MORN1: variants seen among roughly 807,000 people sequenced by gnomAD.
The protein encoded by MORN1 is MORN repeat-containing protein 1.
MORN1 carries 67 observed loss-of-function variants against 61.9 expected under a neutral mutation model. The observed-to-expected ratio is 1.08, with a 90% CI of 0.89 to 1.33. The LOEUF is 1.33. Among genes scored for constraint, MORN1 ranks in the 40% most tolerant of loss-of-function variants. The pLI is 0.00. For synonymous variants in MORN1, 301 were observed against 292.0 expected (o/e 1.03, Z -0.31); for missense variants, 752 against 691.2 (o/e 1.09, Z -0.99).
intron 10 of MORN1, among the ~76,000 whole-genome samples, chr1:2,355,759 T>G (rs1311470495): frequency 6.6e-6 from 1 of 152,164 alleles, no homozygotes; most frequent in African/African-American, 2.4e-5. Flanking sequence ...GAAAGGGCCC[T>G]GGCACAGCCT....
chr1:2,345,605 G>C (rs891065133), intron 10 of MORN1, among the ~76,000 whole-genome samples: 1 of 152,226 alleles, frequency 6.6e-6, no homozygotes, highest in African/African-American at 2.4e-5. Flanking sequence ...ACTGACCAGA[G>C]ACGGAGACGA....
At chr1:2,346,138 C>A (rs372026253) in intron 10 of MORN1, among the ~76,000 whole-genome samples, 3 of 147,354 alleles carry the variant, frequency 2.0e-5, no homozygotes, top group Admixed American at 6.7e-5. Flanking sequence ...ACCTTCCTCA[C>A]ACAAAGCCAC....
At chr1:2,378,792 G>T in intron 6 of MORN1, 1 of 385,648 alleles carries the variant, frequency 2.6e-6, no homozygotes. Context: ...CTGGGAGGTC[G>T]AGCAGTAAGC....
rs201376833 is a variant in MORN1, at chr1:2,336,838, G to A, written c.1049C>T (p.Ala350Val). 4.8e-5 allele frequency: 76 copies of A among 1,572,678 alleles called. No homozygotes were observed. In the East Asian group the frequency reaches 6.3e-4, roughly 13 times the overall value. ...CTGACAGGCCCCGGGACAATGGGGC[G>A]CATGTCCCCTGGCTGAGGAGACAGA... is the stretch of plus-strand genomic sequence containing the variant. The part of the protein sequence containing the change: ...TPGGLLARGH[A>V]PHCPGACQRV... The change falls in exon 11 of 14, where the codon GCG becomes GTG. Residue 350 changes from alanine (A) to valine (V), a missense_variant. Ala to Val is a moderately conservative substitution (Grantham distance 64). Coordinates refer to ENST00000378531, the MANE Select transcript of MORN1 (RefSeq NM_024848.3).
chr1:2,321,422 G>A lies in MORN1; in HGVS notation c.1455C>T (p.Ala485=), dbSNP rs368905548. Residue 485 remains alanine, a synonymous_variant, in exon 14 of 14, where the codon GCC becomes GCT. Transcript: ENST00000378531. ...GCGGCTCTGGGGTGCAGCTGTGGGCGGCCTGCCAGCTGCTTGAGGCTTCAG... is the reference window on the plus strand; with the variant it reads ...GCGGCTCTGGGGTGCAGCTGTGGGCAGCCTGCCAGCTGCTTGAGGCTTCAG... ...EGPEASSSWQ[A]AHSCTPEPPA... is the part of the protein sequence containing the mutation. 579 of 1,539,548 alleles carry A rather than the reference G, an allele frequency of 3.8e-4. 5 individuals are homozygous for A. Among genetic ancestry groups the A allele is most frequent in the South Asian group, 3.7e-4 (31 of 83,366 alleles).
In MORN1 at chr1:2,357,328, T is replaced by C. The variant is rs1420381084; in HGVS notation, c.1036+104A>G. 13 of 1,312,492 alleles carry C rather than the reference T, an allele frequency of 9.9e-6. No homozygotes were observed. The South Asian group carries it at 1.6e-4, about 16-fold the overall frequency. The allele number at this position is 1,312,492 out of a possible 1,614,324, so 81.3% of individuals were successfully genotyped here. ...CGTGATGACTGACCCTGGGTGCGGC[T>C]TGCTCCTGCTCTGGCCTGGTTCTGG... is the stretch of plus-strand genomic sequence containing the variant. On this transcript the variant is annotated intron_variant, in intron 10 of 13. Coordinates refer to ENST00000378531, the MANE Select transcript of MORN1 (RefSeq NM_024848.3). This position sits in a 1 kb window ranked among gnomAD's most constrained non-coding sequence, Gnocchi z 6.3.
chr1:2,383,822 C>T (rs1053251210), intron 6 of MORN1, among the ~76,000 whole-genome samples: 11 of 152,182 alleles, frequency 7.2e-5, no homozygotes, highest in East Asian at 1.9e-4. Context: ...TAGTGCCTCA[C>T]GCCCAGCATG....
intron 12 of MORN1, among the ~76,000 whole-genome samples, chr1:2,331,261 G>A (rs572846005): frequency 9.9e-5 from 15 of 152,078 alleles, no homozygotes; most frequent in South Asian, 8.3e-4. Context: ...AGAGCCACTC[G>A]GGACCCCTCT....
chr1:2,366,067 G>A (rs1641989807), intron 8 of MORN1, among the ~76,000 whole-genome samples: 1 of 147,474 alleles, frequency 6.8e-6, no homozygotes, highest in Non-Finnish European at 1.5e-5. Flanking sequence ...GCAAAGACTT[G>A]GAACCAACCC....
At chr1:2,323,106 G>A in intron 13 of MORN1, 5 of 985,436 alleles carry the variant, frequency 5.1e-6, no homozygotes, top group Non-Finnish European at 6.0e-6. Context: ...TCCTGTCACT[G>A]CAGAGATGTC....
chr1:2,357,225 C>T lies in MORN1; in HGVS notation c.1036+207G>A, dbSNP rs1641794133. Among the ~76,000 whole-genome samples the T allele has an allele frequency of 1.3e-5, 2 of 152,206 alleles. No individual in the cohort carries two copies. Among genetic ancestry groups the T allele is most frequent in the Admixed American group, 1.3e-4 (2 of 15,290 alleles). ...GCCAGGCTCACGGCAGACGAACAATCGGCTTGAGCCTCCGCAGCCACCCGT... is the reference window on the plus strand; with the variant it reads ...GCCAGGCTCACGGCAGACGAACAATTGGCTTGAGCCTCCGCAGCCACCCGT... On this transcript the variant is annotated intron_variant, in intron 10 of 13. Coordinates refer to ENST00000378531, the MANE Select transcript of MORN1 (RefSeq NM_024848.3). The surrounding 1 kb of genome is among the most constrained non-coding windows in gnomAD (Gnocchi z 6.3).
chr1:2,379,419 A>G (rs1472641569), intron 6 of MORN1, among the ~76,000 whole-genome samples: 3 of 152,234 alleles, frequency 2.0e-5, no homozygotes, highest in Admixed American at 6.5e-5. Flanking sequence ...TCAGTGTCCA[A>G]GAAGGTCCCA....
intron 12 of MORN1, among the ~76,000 whole-genome samples, chr1:2,329,424 C>G (rs780415438): frequency 1.3e-5 from 2 of 152,082 alleles, no homozygotes. Flanking sequence ...CCAGGGCACC[C>G]GGTGCCCCCA....
chr1:2,324,983 G>C (rs932276747), intron 12 of MORN1, among the ~76,000 whole-genome samples: 13 of 140,784 alleles, frequency 9.2e-5, no homozygotes, highest in African/African-American at 3.6e-4. Flanking sequence ...GCTGGGCCCG[G>C]CAGGTGCCTC....
At chr1:2,323,998 G>A (rs1050777998) in intron 13 of MORN1, 99 bp downstream of exon 13, 24 of 1,369,634 alleles carry the variant, frequency 1.8e-5, no homozygotes, top group South Asian at 4.1e-5. Context: ...TGGGGGCCCC[G>A]GGCCGAGTTC....
rs944308215 is a variant in MORN1 at position 2,372,626 on chromosome 1, T to G, written c.635-35A>C. ...GACAGAGTGTGGCTTTAGCGGTGAC[T>G]GGCATGGTCCCCCACCCACCCCATG... On this transcript the variant is annotated intron_variant, in intron 7 of 13. Transcript: ENST00000378531. The surrounding 1 kb of genome is among the most constrained non-coding windows in gnomAD (Gnocchi z 5.4). 6.4e-7 allele frequency: 1 copy of G among 1,552,656 alleles called. No individual in the cohort carries two copies.
At chr1:2,367,153 C>G (rs1347150255) in intron 8 of MORN1, among the ~76,000 whole-genome samples, 2 of 152,010 alleles carry the variant, frequency 1.3e-5, no homozygotes, top group African/African-American at 4.8e-5. Context: ...CCAATTCACT[C>G]ATTCTATGAG....
Position 2,336,614 on chromosome 1 carries a change from C to T in MORN1, c.1171-66G>A, listed in dbSNP as rs994079401. 25 of 1,597,794 alleles carry T rather than the reference C, an allele frequency of 1.6e-5. 1 individual carries two copies. In the Admixed American group the frequency reaches 3.7e-4, roughly 24 times the overall value. On this transcript the variant is annotated intron_variant, in intron 11 of 13. Transcript: ENST00000378531. Reference sequence around the variant, plus strand: ...AGAAGGTGGGCCTAGGAGCTCTGCTCCAACCCCCCTGGGGCACACATGGCC... The same window carrying T: ...AGAAGGTGGGCCTAGGAGCTCTGCTTCAACCCCCCTGGGGCACACATGGCC...
At chr1:2,352,010 AG>A in intron 10 of MORN1, 5 of 527,264 alleles carry the variant, frequency 9.5e-6, no homozygotes, top group Non-Finnish European at 1.8e-5. Flanking sequence ...CCCCTCCACC[AG>A]GAATTAGAGG....
Sources: gnomAD v4.1 joint callset for allele counts (sites outside exome capture counted in the v4.1 genomes callset) on GRCh38, gnomAD v4.1.1 for gene constraint, Gnocchi (gnomAD v3.1) non-coding constraint, MANE v1.5 for transcripts, NCBI Gene and HGNC (gene_info 2026-07-23, HGNC 2026-07-21) for gene names.